Variants in TLCD2 observed in about 807,000 individuals in gnomAD.
The protein encoded by TLCD2 is TLC domain containing 2.
TLCD2 carries 12 observed loss-of-function variants against 14.0 expected under a neutral mutation model. The observed-to-expected ratio is 0.86, with a 90% CI of 0.55 to 1.39. The LOEUF is 1.39. Among genes scored for constraint, TLCD2 ranks in the 40% most tolerant of loss-of-function variants. TLCD2 has a pLI of 0.00. For synonymous variants in TLCD2, 166 were observed against 156.5 expected (o/e 1.06, Z -0.45); for missense variants, 360 against 346.8 (o/e 1.04, Z -0.30).
rs1234642371 is a variant in TLCD2 at position 1,706,875 on chromosome 17, G to C, written c.*895C>G. The C allele has an allele frequency of 6.6e-6, 1 of 151,180 alleles. No homozygotes were observed. The highest frequency in any genetic ancestry group is 2.4e-5 in the African/African-American group (1 of 41,048). The allele number at this position is 151,180 out of a possible 1,614,324, so 9.4% of individuals were successfully genotyped here. ...GACACAGCAGGACCAGGGTTAAGGA[G>C]AAAAACAGGAGTGTGCGCCTGTTCT... On this transcript the variant is annotated 3_prime_UTR_variant, in exon 4 of 4. Transcript: ENST00000330676.
At chr17:1,708,393 T>G (rs1170924756) in intron 3 of TLCD2, among the ~76,000 whole-genome samples, 171 bp from the exon 4 acceptor site, 1 of 151,310 alleles carries the variant, frequency 6.6e-6, no homozygotes, top group Non-Finnish European at 1.5e-5. Context: ...GAAACAACCC[T>G]TCCATAGATG....
rs1567704596 is a variant in TLCD2 at position 1,705,705 on chromosome 17, C to T, written c.*2065G>A. 6.6e-6 allele frequency: 1 copy of T among 152,228 alleles called. No individual in the cohort carries two copies. The highest frequency in any genetic ancestry group is 1.5e-5 in the Non-Finnish European group (1 of 68,068). The allele number at this position is 152,228 out of a possible 1,614,324, so 9.4% of individuals were successfully genotyped here. A position where few individuals can be genotyped will look rare whatever the true frequency, so the allele number is the denominator to read the frequency against. ...TTCGTATCTTTCTGTACCTCCGCTT[C>T]TTAGCAAGGTTTTTGTTTTGTTTTG... On this transcript the variant is annotated 3_prime_UTR_variant, in exon 4 of 4. Coordinates refer to ENST00000330676, the MANE Select transcript of TLCD2 (RefSeq NM_001164407.2).
chr17:1,709,675 T>TA, intron 2 of TLCD2, 94 bp from the exon 3 acceptor site: 2 of 1,231,720 alleles, frequency 1.6e-6, no homozygotes, highest in Non-Finnish European at 2.3e-6. Context: ...TCCCAGTTCT[T>TA]AGTTTTCCCT....
intron 1 of TLCD2, 21 bp from the exon 2 acceptor site, chr17:1,709,907 C>CA (rs1914166341): frequency 7.7e-7 from 1 of 1,305,130 alleles, no homozygotes; most frequent in Non-Finnish European, 1.0e-6. Flanking sequence ...GGGGTGGGGA[C>CA]ATGGGGGGGG....
In TLCD2 at chr17:1,709,897, GGGGTGGGGACAT is replaced by G; in HGVS notation, c.177-23_177-12del. ...GGGTACAGTGACAGGCTGGGGGCAT[GGGGTGGGGACAT>G]GGGGGGGGGCATGGTCAGCCTCTCG... is the stretch of plus-strand genomic sequence containing the variant. On this transcript the variant is annotated splice_polypyrimidine_tract_variant and intron_variant, in intron 1 of 3. Coordinates refer to ENST00000330676, the MANE Select transcript of TLCD2 (RefSeq NM_001164407.2). The G allele has an allele frequency of 1.3e-6, 2 of 1,522,674 alleles. No individual in the cohort carries two copies. The highest frequency in any genetic ancestry group is 1.8e-6 in the Non-Finnish European group (2 of 1,141,202). 94.3% of individuals were successfully genotyped at this position (1,522,674 alleles called of 1,614,324 possible). A position where few individuals can be genotyped will look rare whatever the true frequency, so the allele number is the denominator to read the frequency against.
At position 1,707,649 on chromosome 17, in the gene TLCD2, A is replaced by G; in HGVS notation, c.*121T>C. 1 of 760,318 alleles carries G rather than the reference A, an allele frequency of 1.3e-6. No homozygotes were observed. The highest frequency in any genetic ancestry group is 2.0e-6 in the Non-Finnish European group (1 of 501,734). 47.1% of individuals were successfully genotyped at this position (760,318 alleles called of 1,614,324 possible). On this transcript the variant is annotated 3_prime_UTR_variant, in exon 4 of 4. Transcript: ENST00000330676. ...GGGGAAGGGATGTGAGTTAGCTGGA[A>G]GAGAAACTGAGATTCTGATGAGCAA...
At position 1,704,684 on chromosome 17, in the gene TLCD2, C is replaced by T. The variant is rs1286468791; in HGVS notation, c.*3086G>A. The T allele has an allele frequency of 6.6e-6, 1 of 151,192 alleles. No individual in the cohort carries two copies. The highest frequency in any genetic ancestry group is 2.4e-5 in the African/African-American group (1 of 41,096). 9.4% of individuals were successfully genotyped at this position (151,192 alleles called of 1,614,324 possible). The stretch of plus-strand genomic sequence containing the variant: ...CCTCTTTTCATTTCTGGGTTCCTGC[C>T]TCTTCTTTGTTCTTTGGATATTCAA... On this transcript the variant is annotated 3_prime_UTR_variant, in exon 4 of 4. Transcript: ENST00000330676.
chr17:1,707,671 G>C lies in TLCD2; in HGVS notation c.*99C>G, dbSNP rs755722094. The C allele has an allele frequency of 1.1e-6, 1 of 908,638 alleles. No individual in the cohort carries two copies. 56.3% of individuals were successfully genotyped at this position (908,638 alleles called of 1,614,324 possible). Reference sequence around the variant, plus strand: ...GGAAGAGAAACTGAGATTCTGATGAGCAAGTCTGGCCCTCACCCTGATGGG... The same window carrying C: ...GGAAGAGAAACTGAGATTCTGATGACCAAGTCTGGCCCTCACCCTGATGGG... On this transcript the variant is annotated 3_prime_UTR_variant, in exon 4 of 4. Coordinates refer to ENST00000330676, the MANE Select transcript of TLCD2 (RefSeq NM_001164407.2).
rs1913991127 is a variant in TLCD2, at chr17:1,705,114, C to G, written c.*2656G>C. ...GTTGACACCCCTGATTCTGACTTGTCCTTATCTTCCTACCAGTCTCTGCCG... is the reference window on the plus strand; with the variant it reads ...GTTGACACCCCTGATTCTGACTTGTGCTTATCTTCCTACCAGTCTCTGCCG... On this transcript the variant is annotated 3_prime_UTR_variant, in exon 4 of 4. Coordinates refer to ENST00000330676, the MANE Select transcript of TLCD2 (RefSeq NM_001164407.2). 6.6e-6 allele frequency: 1 copy of G among 152,170 alleles called. No individual in the cohort carries two copies. The highest frequency in any genetic ancestry group is 2.1e-4 in the South Asian group (1 of 4,826). The allele number at this position is 152,170 out of a possible 1,614,324, so 9.4% of individuals were successfully genotyped here.
Position 1,708,550 on chromosome 17 carries a change from G to C in TLCD2, c.343-328C>G, listed in dbSNP as rs146498339. ...CCACCAGGCTGGAGTGCAGTGGTGTGATCTTGGCTCACTGCAACCTCTGCC... is the reference window on the plus strand; with the variant it reads ...CCACCAGGCTGGAGTGCAGTGGTGTCATCTTGGCTCACTGCAACCTCTGCC... On this transcript the variant is annotated intron_variant, in intron 3 of 3. Transcript: ENST00000330676. Among the ~76,000 whole-genome samples, 365 of 134,084 alleles carry C rather than the reference G, an allele frequency of 2.7e-3. 7 individuals carry two copies. The East Asian group carries it at 0.053, about 20-fold the overall frequency. 88.0% of individuals were successfully genotyped at this position (134,084 alleles called of 152,430 possible).
At chr17:1,709,387 C>A (rs1427579352) in intron 3 of TLCD2, 112 bp downstream of exon 3, 2 of 690,418 alleles carry the variant, frequency 2.9e-6, no homozygotes, top group African/African-American at 3.0e-5. Flanking sequence ...GAGACTCCGT[C>A]TCAAAAAAAA....
At chr17:1,709,652 C>T in intron 2 of TLCD2, 71 bp from the exon 3 acceptor site, 1 of 1,323,516 alleles carries the variant, frequency 7.6e-7, no homozygotes, top group Non-Finnish European at 1.0e-6. Context: ...CCAGCCCCCC[C>T]GCCCCGCCCC....
rs1050256212 is a variant in TLCD2 at position 1,703,858 on chromosome 17, A to G, written c.*3912T>C. 2 of 151,946 alleles carry G rather than the reference A, an allele frequency of 1.3e-5. No individual in the cohort carries two copies. The highest frequency in any genetic ancestry group is 4.8e-5 in the African/African-American group (2 of 41,374). The allele number at this position is 151,946 out of a possible 1,614,324, so 9.4% of individuals were successfully genotyped here. ...TCTTTAAAAACTCAAGGCAGACAACATTTTTGTTAATCAAGGCATTCAGTT... is the reference window on the plus strand; with the variant it reads ...TCTTTAAAAACTCAAGGCAGACAACGTTTTTGTTAATCAAGGCATTCAGTT... On this transcript the variant is annotated 3_prime_UTR_variant, in exon 4 of 4. Transcript: ENST00000330676.
rs748427475 is a variant in TLCD2, at chr17:1,710,023, C to T, written c.176+44G>A. Reference sequence around the variant, plus strand: ...CGGGTCTCCCGGCCTCAGCCTCCCACCCCTCGCCCTCGCCCCGTGCGCCTC... The same window carrying T: ...CGGGTCTCCCGGCCTCAGCCTCCCATCCCTCGCCCTCGCCCCGTGCGCCTC... On this transcript the variant is annotated intron_variant, in intron 1 of 3. Coordinates refer to ENST00000330676, the MANE Select transcript of TLCD2 (RefSeq NM_001164407.2). This position sits in a 1 kb window ranked among gnomAD's most constrained non-coding sequence, Gnocchi z 6.1. 8.6e-5 allele frequency: 131 copies of T among 1,526,624 alleles called. No individual in the cohort carries two copies. Among genetic ancestry groups the T allele is most frequent in the Non-Finnish European group, 1.0e-4 (118 of 1,142,938 alleles). 94.6% of individuals were successfully genotyped at this position (1,526,624 alleles called of 1,614,324 possible).
In TLCD2 at chr17:1,707,671, G is replaced by A. The variant is rs755722094; in HGVS notation, c.*99C>T. 4.4e-6 allele frequency: 4 copies of A among 908,760 alleles called. No homozygotes were observed. Among genetic ancestry groups the A allele is most frequent in the Non-Finnish European group, 6.3e-6 (4 of 636,212 alleles). 56.3% of individuals were successfully genotyped at this position (908,760 alleles called of 1,614,324 possible). A position where few individuals can be genotyped will look rare whatever the true frequency, so the allele number is the denominator to read the frequency against. The stretch of plus-strand genomic sequence containing the variant: ...GGAAGAGAAACTGAGATTCTGATGA[G>A]CAAGTCTGGCCCTCACCCTGATGGG... On this transcript the variant is annotated 3_prime_UTR_variant, in exon 4 of 4. Coordinates refer to ENST00000330676, the MANE Select transcript of TLCD2 (RefSeq NM_001164407.2).
chr17:1,709,452 G>A (rs901750452), intron 3 of TLCD2, 47 bp downstream of exon 3: 2 of 1,379,408 alleles, frequency 1.4e-6, no homozygotes, highest in South Asian at 2.5e-5. Context: ...GGCTGGACAG[G>A]GCTCCCCTCC....
In TLCD2 at chr17:1,709,488, C is replaced by G. The variant is rs1291941801; in HGVS notation, c.342+11G>C. Reference sequence around the variant, plus strand: ...TCCCTTCCTGTCTGGCTTCTGCCCTCAGAGTCTCACCACCAAATGATGACA... The same window carrying G: ...TCCCTTCCTGTCTGGCTTCTGCCCTGAGAGTCTCACCACCAAATGATGACA... On this transcript the variant is annotated intron_variant, in intron 3 of 3. Transcript: ENST00000330676. 1.3e-6 allele frequency: 2 copies of G among 1,535,496 alleles called. No individual in the cohort carries two copies. Among genetic ancestry groups the G allele is most frequent in the East Asian group, 2.4e-5 (1 of 40,844 alleles).
In TLCD2 at chr17:1,705,659, G is replaced by C. The variant is rs1186766959; in HGVS notation, c.*2111C>G. 1 of 152,136 alleles carries C rather than the reference G, an allele frequency of 6.6e-6. No individual in the cohort carries two copies. Among genetic ancestry groups the C allele is most frequent in the Non-Finnish European group, 1.5e-5 (1 of 68,068 alleles). 9.4% of individuals were successfully genotyped at this position (152,136 alleles called of 1,614,324 possible). ...TCTTTCTATCTATCACTCAATCTAT[G>C]TATGTCTGTCTCTGTCATTCTTCGT... is the stretch of plus-strand genomic sequence containing the variant. On this transcript the variant is annotated 3_prime_UTR_variant, in exon 4 of 4. Coordinates refer to ENST00000330676, the MANE Select transcript of TLCD2 (RefSeq NM_001164407.2).
In TLCD2 at chr17:1,703,193, C is replaced by T. The variant is rs1913929425; in HGVS notation, c.*4577G>A. On this transcript the variant is annotated 3_prime_UTR_variant, in exon 4 of 4. Coordinates refer to ENST00000330676, the MANE Select transcript of TLCD2 (RefSeq NM_001164407.2). Reference sequence around the variant, plus strand: ...TACTTACTCAGTTGTAATCACAATCCAGTCCTGCCTTCCTCAAGTTTCACT... The same window carrying T: ...TACTTACTCAGTTGTAATCACAATCTAGTCCTGCCTTCCTCAAGTTTCACT... 6.6e-6 allele frequency: 1 copy of T among 152,092 alleles called. No homozygotes were observed. Among genetic ancestry groups the T allele is most frequent in the Non-Finnish European group, 1.5e-5 (1 of 68,026 alleles). The allele number at this position is 152,092 out of a possible 1,614,324, so 9.4% of individuals were successfully genotyped here.
Sources: gnomAD v4.1 joint callset for allele counts (sites outside exome capture counted in the v4.1 genomes callset) on GRCh38, gnomAD v4.1.1 for gene constraint, Gnocchi (gnomAD v3.1) non-coding constraint, MANE v1.5 for transcripts, NCBI Gene and HGNC (gene_info 2026-07-23, HGNC 2026-07-21) for gene names.